Variants in DOK6 observed in about 807,000 individuals in gnomAD.
DOK6 encodes the protein downstream of tyrosine kinase 6.
Under a neutral mutation model 44.0 loss-of-function variants are expected in DOK6, and 22 were observed. The observed-to-expected ratio is 0.50, with a 90% CI of 0.36 to 0.71. DOK6 has a LOEUF of 0.71. DOK6 is among the 30% of genes least tolerant of loss of function. The pLI is 0.00. For synonymous variants in DOK6, 166 were observed against 145.5 expected, an observed-to-expected ratio of 1.14 and a Z score of -1.01; for missense variants, 340 against 416.4, an observed-to-expected ratio of 0.82 and a Z score of 1.60.
At chr18:69,556,008 C>T (rs1315615358) in intron 1 of DOK6, among the ~76,000 whole-genome samples, 2 of 152,190 alleles carry the variant, frequency 1.3e-5, no homozygotes, top group Non-Finnish European at 2.9e-5. Flanking sequence ...CTGAATTAAC[C>T]TCTGATCATT....
intron 1 of DOK6, among the ~76,000 whole-genome samples, chr18:69,430,474 G>A (rs751824057): frequency 4.6e-5 from 7 of 151,946 alleles, no homozygotes; most frequent in South Asian, 2.1e-4. Context: ...ATCACAAAAC[G>A]TAGAAAACGA....
At chr18:69,626,781 G>C (rs531084030) in intron 3 of DOK6, among the ~76,000 whole-genome samples, 28 of 152,304 alleles carry the variant, frequency 1.8e-4, no homozygotes, top group Middle Eastern at 6.8e-3. Flanking sequence ...GTATTTCAAA[G>C]GAATGGTTCC....
In DOK6 at chr18:69,771,829, CA is replaced by C. The variant is rs1182648816; in HGVS notation, c.856+13963del. 2.0e-5 allele frequency among the ~76,000 whole-genome samples: 3 copies of C among 150,570 alleles called. No homozygotes were observed. In the South Asian group the frequency reaches 6.3e-4, roughly 32 times the overall value. ...AGGTATTTTCCATGAAAGTAAATAC[CA>C]AAAAAATTAAGTGAAGAAAATAATA... On this transcript the variant is annotated intron_variant, in intron 7 of 7. Transcript: ENST00000382713.
rs2144582016 is a variant in DOK6, at chr18:69,542,571, T to G, written c.67-21916T>G. Among the ~76,000 whole-genome samples the G allele has an allele frequency of 2.0e-5, 3 of 151,618 alleles. 1 individual carries two copies. The highest frequency in any genetic ancestry group is 3.4e-3 in the Middle Eastern group (1 of 294). ...TACGTAGCGCTACACGAAAAGCTGG[T>G]ACATTTTACACAGCAGCTAACATTA... On this transcript the variant is annotated intron_variant, in intron 1 of 7. Coordinates refer to ENST00000382713, the MANE Select transcript of DOK6 (RefSeq NM_152721.6).
At chr18:69,658,191 A>C (rs2144669062) in intron 3 of DOK6, among the ~76,000 whole-genome samples, 1 of 152,148 alleles carries the variant, frequency 6.6e-6, no homozygotes, top group African/African-American at 2.4e-5. Context: ...GCCTCAAGAG[A>C]TCCTCCCACC....
intron 7 of DOK6, among the ~76,000 whole-genome samples, chr18:69,786,816 T>C (rs1408114766): frequency 6.6e-6 from 1 of 152,252 alleles, no homozygotes; most frequent in Non-Finnish European, 1.5e-5. Flanking sequence ...TACATATGGG[T>C]ACATTATGTT....
At chr18:69,774,133 G>GATATATATATATAT (rs111360276) in intron 7 of DOK6, among the ~76,000 whole-genome samples, 3,039 of 66,740 alleles carry the variant, frequency 0.046, 266 homozygotes, top group South Asian at 0.064. Context: ...ATATATATGA[G>GATATATATATATAT]ATATATATAT....
chr18:69,525,689 T>C (rs1981810339), intron 1 of DOK6, among the ~76,000 whole-genome samples: 1 of 151,436 alleles, frequency 6.6e-6, no homozygotes, highest in Admixed American at 6.7e-5. Context: ...TTTTGGACTT[T>C]ATGGATCATA....
At position 69,729,953 on chromosome 18, in the gene DOK6, A is replaced by C. The variant is rs191950316; in HGVS notation, c.600-9012A>C. ...CATAGGAAGAAATAAGAACAAAAGA[A>C]ACATATGTTAAGATGATGGGAAGGA... On this transcript the variant is annotated intron_variant, in intron 5 of 7. Coordinates refer to ENST00000382713, the MANE Select transcript of DOK6 (RefSeq NM_152721.6). 2.6e-3 allele frequency among the ~76,000 whole-genome samples: 402 copies of C among 152,304 alleles called. 1 individual carries two copies. Among genetic ancestry groups the C allele is most frequent in the Admixed American group, 5.4e-3 (83 of 15,290 alleles).
intron 6 of DOK6, among the ~76,000 whole-genome samples, chr18:69,751,187 A>G (rs551839833): frequency 1.3e-5 from 2 of 152,344 alleles, no homozygotes; most frequent in South Asian, 4.1e-4. Flanking sequence ...TGAGTGTTCT[A>G]TTGTGGCAAA....
chr18:69,700,238 T>C (rs1986488555), intron 5 of DOK6, among the ~76,000 whole-genome samples: 1 of 147,830 alleles, frequency 6.8e-6, no homozygotes, highest in Non-Finnish European at 1.5e-5. Flanking sequence ...TATATATGAA[T>C]TGAATGTTGT....
chr18:69,531,478 T>A (rs1294583677), intron 1 of DOK6, among the ~76,000 whole-genome samples: 1 of 151,482 alleles, frequency 6.6e-6, no homozygotes, highest in Non-Finnish European at 1.5e-5. Context: ...ATTTTACAAA[T>A]AAATGGGTGA....
chr18:69,440,779 T>C (rs72955501), intron 1 of DOK6, among the ~76,000 whole-genome samples: 1,610 of 151,310 alleles, frequency 0.011, 9 homozygotes, highest in Non-Finnish European at 0.017. Context: ...CACACACACA[T>C]TTCTTTGACT....
intron 3 of DOK6, among the ~76,000 whole-genome samples, chr18:69,641,418 A>G (rs1984939517): frequency 6.6e-6 from 1 of 152,188 alleles, no homozygotes; most frequent in African/African-American, 2.4e-5. Context: ...AACCTTAGCT[A>G]ATTAATGTTA....
In DOK6 at chr18:69,564,683, G is replaced by A. The variant is rs113754637; in HGVS notation, c.174+89G>A. 1.4e-5 allele frequency: 14 copies of A among 1,027,358 alleles called. No homozygotes were observed. In the African/African-American group the frequency reaches 1.5e-4, roughly 11 times the overall value. 63.6% of individuals were successfully genotyped at this position (1,027,358 alleles called of 1,614,324 possible). A position where few individuals can be genotyped will look rare whatever the true frequency, so the allele number is the denominator to read the frequency against. On this transcript the variant is annotated intron_variant, in intron 2 of 7. Transcript: ENST00000382713. The stretch of plus-strand genomic sequence containing the variant: ...TCTTTGATAAATGAAATCTTCAGTG[G>A]CAAAAATTAATGGCTTGGGAAAAAT...
rs1054996885 is a variant in DOK6 at position 69,848,760 on chromosome 18, A to G, written c.*7377A>G. 6.6e-6 allele frequency: 1 copy of G among 152,208 alleles called. No individual in the cohort carries two copies. The highest frequency in any genetic ancestry group is 2.4e-5 in the African/African-American group (1 of 41,458). The allele number at this position is 152,208 out of a possible 1,614,324, so 9.4% of individuals were successfully genotyped here. A position where few individuals can be genotyped will look rare whatever the true frequency, so the allele number is the denominator to read the frequency against. Reference sequence around the variant, plus strand: ...TAATTCTAAAAAATTTACAAATGATATTGCTATGAGGTTGTGCACTATTAA... The same window carrying G: ...TAATTCTAAAAAATTTACAAATGATGTTGCTATGAGGTTGTGCACTATTAA... On this transcript the variant is annotated 3_prime_UTR_variant, in exon 8 of 8. Coordinates refer to ENST00000382713, the MANE Select transcript of DOK6 (RefSeq NM_152721.6).
intron 3 of DOK6, among the ~76,000 whole-genome samples, chr18:69,646,317 C>T (rs1284805554): frequency 6.6e-6 from 1 of 151,940 alleles, no homozygotes; most frequent in South Asian, 2.1e-4. Context: ...TTTTGACATT[C>T]TGACAGAAGG....
At position 69,619,411 on chromosome 18, in the gene DOK6, T is replaced by A. The variant is rs531214312; in HGVS notation, c.289+19913T>A. On this transcript the variant is annotated intron_variant, in intron 3 of 7. Coordinates refer to ENST00000382713, the MANE Select transcript of DOK6 (RefSeq NM_152721.6). The stretch of plus-strand genomic sequence containing the variant: ...CCTGGCTGACATTTTTGTGCCGTCA[T>A]ACCACCTTCATGATCGTGGGTGTCC... Among the ~76,000 whole-genome samples the A allele has an allele frequency of 6.9e-4, 105 of 152,370 alleles. 2 individuals carry two copies. The highest frequency in any genetic ancestry group is 3.4e-3 in the Middle Eastern group (1 of 294).
Position 69,517,968 on chromosome 18 carries a change from A to T in DOK6, c.67-46519A>T, listed in dbSNP as rs372169144. 1.2e-4 allele frequency among the ~76,000 whole-genome samples: 18 copies of T among 151,634 alleles called. No homozygotes were observed. The South Asian group carries it at 1.7e-3, about 14-fold the overall frequency. Reference sequence around the variant, plus strand: ...CAGCTGCCTCCCCTAGCCAAATTACATCTTTCTACATGAGCTGGAAAGGCA... The same window carrying T: ...CAGCTGCCTCCCCTAGCCAAATTACTTCTTTCTACATGAGCTGGAAAGGCA... On this transcript the variant is annotated intron_variant, in intron 1 of 7. Transcript: ENST00000382713.
Sources: gnomAD v4.1 joint callset for allele counts (sites outside exome capture counted in the v4.1 genomes callset) on GRCh38, gnomAD v4.1.1 for gene constraint, MANE v1.5 for transcripts, NCBI Gene and HGNC (gene_info 2026-07-23, HGNC 2026-07-21) for gene names.